Variants in RAI14 observed in about 807,000 individuals in gnomAD.
RAI14 encodes the protein retinoic acid induced 14.
Under a neutral mutation model 115.4 loss-of-function variants are expected in RAI14, and 45 were observed. The ratio of observed to expected loss-of-function variants is 0.39; its 90% CI spans 0.31 to 0.50. The LOEUF is 0.50. Among genes scored for constraint, RAI14 ranks in the 20% least tolerant of loss-of-function variants. The pLI is 0.85. For missense variants in RAI14, 939 were observed against 1,131.2 expected (o/e 0.83, Z 2.44); for synonymous variants, 371 against 415.4 (o/e 0.89, Z 1.30).
At chr5:34,774,293 C>G (rs562396319) in intron 3 of RAI14, among the ~76,000 whole-genome samples, 1 of 152,190 alleles carries the variant, frequency 6.6e-6, no homozygotes, top group Non-Finnish European at 1.5e-5. Flanking sequence ...ATCTCTTGAA[C>G]CCGAGAGGCA....
chr5:34,678,551 G>C lies in RAI14; in HGVS notation c.-48-8321G>C, dbSNP rs575424359. ...AGCAATTAGGATGCAGACACACACA[G>C]AAGACCATATGAAAACACAGGGCGA... On this transcript the variant is annotated intron_variant, in intron 1 of 17. Coordinates refer to ENST00000265109, the MANE Select transcript of RAI14 (RefSeq NM_015577.3). 5.9e-5 allele frequency among the ~76,000 whole-genome samples: 9 copies of C among 152,316 alleles called. No individual in the cohort carries two copies. The East Asian group carries it at 9.6e-4, about 16-fold the overall frequency.
At chr5:34,678,620 C>A (rs1253971348) in intron 1 of RAI14, among the ~76,000 whole-genome samples, 2 of 152,210 alleles carry the variant, frequency 1.3e-5, no homozygotes, top group Non-Finnish European at 2.9e-5. Context: ...CAGAAGGAAA[C>A]CAACCCTGTT....
rs773033437 is a variant in RAI14 at position 34,757,527 on chromosome 5, G to A, written c.96G>A (p.Ala32=). The change falls in exon 3 of 18, where the codon GCG becomes GCA. Residue 32 remains alanine, a synonymous_variant. Coordinates refer to ENST00000265109, the MANE Select transcript of RAI14 (RefSeq NM_015577.3). ...RLLQAVENGD[A]EKVASLLGKK... ...TGCAGGCCGTGGAGAATGGAGATGC[G>A]GAGAAGGTGGCCTCACTGCTCGGCA... 61 of 1,613,814 alleles carry A rather than the reference G, an allele frequency of 3.8e-5. No individual in the cohort carries two copies. The East Asian group carries it at 8.0e-4, about 21-fold the overall frequency.
At chr5:34,817,406 G>C (rs1756386671) in intron 12 of RAI14, among the ~76,000 whole-genome samples, 1 of 152,078 alleles carries the variant, frequency 6.6e-6, no homozygotes, top group East Asian at 1.9e-4. Flanking sequence ...ATCTAAAATG[G>C]TATAACTATT....
chr5:34,768,545 TG>T (rs2150125200), intron 3 of RAI14, among the ~76,000 whole-genome samples: 1 of 152,338 alleles, frequency 6.6e-6, no homozygotes, highest in East Asian at 1.9e-4. Context: ...ACAAATCGCC[TG>T]TTCTACATAC....
At chr5:34,710,840 C>A (rs915295094) in intron 2 of RAI14, among the ~76,000 whole-genome samples, 1 of 152,208 alleles carries the variant, frequency 6.6e-6, no homozygotes, top group Non-Finnish European at 1.5e-5. Flanking sequence ...GACATGTGTT[C>A]TTCCAGCAGA....
intron 3 of RAI14, among the ~76,000 whole-genome samples, chr5:34,781,857 TGG>T (rs2150163124): frequency 6.6e-6 from 1 of 152,134 alleles, no homozygotes; most frequent in African/African-American, 2.4e-5. Flanking sequence ...ATACAGAGTG[TGG>T]AGTGGGAAAT....
intron 2 of RAI14, among the ~76,000 whole-genome samples, chr5:34,734,002 G>T (rs1432954831): frequency 6.6e-6 from 1 of 152,164 alleles, no homozygotes; most frequent in Non-Finnish European, 1.5e-5. Context: ...CATCCCTGCC[G>T]CTCCCAGCTG....
intron 1 of RAI14, among the ~76,000 whole-genome samples, chr5:34,666,639 G>A (rs776495431): frequency 6.6e-6 from 1 of 152,142 alleles, no homozygotes; most frequent in Non-Finnish European, 1.5e-5. Flanking sequence ...CTTGGGTGAC[G>A]TCCTCAAGCC....
intron 5 of RAI14, among the ~76,000 whole-genome samples, chr5:34,807,232 CA>C: frequency 6.6e-6 from 1 of 152,150 alleles, no homozygotes; most frequent in African/African-American, 2.4e-5. Flanking sequence ...GGAGGAGCCG[CA>C]AGAGGAAAAG....
chr5:34,679,931 A>T (rs987617479), intron 1 of RAI14, among the ~76,000 whole-genome samples: 1 of 152,188 alleles, frequency 6.6e-6, no homozygotes, highest in Non-Finnish European at 1.5e-5. Context: ...CTGAGGTCAG[A>T]GATGAGGTCT....
At chr5:34,766,471 C>T (rs1749385391) in intron 3 of RAI14, among the ~76,000 whole-genome samples, 1 of 152,132 alleles carries the variant, frequency 6.6e-6, no homozygotes, top group Non-Finnish European at 1.5e-5. Flanking sequence ...AATTTGATTG[C>T]CCCGCTGGAT....
At chr5:34,683,469 GA>G (rs1056266920) in intron 1 of RAI14, among the ~76,000 whole-genome samples, 1 of 151,216 alleles carries the variant, frequency 6.6e-6, no homozygotes, top group African/African-American at 2.4e-5. Context: ...CAAATACACA[GA>G]AAAACTAACA....
At position 34,827,435 on chromosome 5, in the gene RAI14, T is replaced by G. The variant is rs748307587; in HGVS notation, c.2799+956T>G. On this transcript the variant is annotated intron_variant, in intron 16 of 17. Coordinates refer to ENST00000265109, the MANE Select transcript of RAI14 (RefSeq NM_015577.3). The surrounding 1 kb of genome is among the most constrained non-coding windows in gnomAD (Gnocchi z 4.2). Reference sequence around the variant, plus strand: ...CCACAATATCTGTTAAGGTTTGAGTTGGCATGGGTACATTCCGTTTTCTAC... The same window carrying G: ...CCACAATATCTGTTAAGGTTTGAGTGGGCATGGGTACATTCCGTTTTCTAC... 6.6e-6 allele frequency among the ~76,000 whole-genome samples: 1 copy of G among 152,232 alleles called. No homozygotes were observed. Among genetic ancestry groups the G allele is most frequent in the African/African-American group, 2.4e-5 (1 of 41,454 alleles).
chr5:34,727,428 C>T (rs1743600736), intron 2 of RAI14, among the ~76,000 whole-genome samples: 1 of 152,192 alleles, frequency 6.6e-6, no homozygotes, highest in Non-Finnish European at 1.5e-5. Context: ...TAGAAATTTG[C>T]ATAAGTAACA....
intron 14 of RAI14, among the ~76,000 whole-genome samples, chr5:34,822,737 G>T (rs2150297829): frequency 7.6e-6 from 1 of 132,082 alleles, no homozygotes; most frequent in South Asian, 2.6e-4. Flanking sequence ...AGGCTGGAGT[G>T]CAGTGGCGCG....
chr5:34,781,029 A>G (rs1398825893), intron 3 of RAI14, among the ~76,000 whole-genome samples: 2 of 152,114 alleles, frequency 1.3e-5, no homozygotes, highest in Non-Finnish European at 2.9e-5. Context: ...ACCATGGAAT[A>G]CTATGCAGTC....
chr5:34,721,116 C>T (rs1337612389), intron 2 of RAI14, among the ~76,000 whole-genome samples: 1 of 151,892 alleles, frequency 6.6e-6, no homozygotes. Context: ...TCCTTCTCCT[C>T]TCTTAAGTCT....
chr5:34,800,462 T>A (rs1754122752), intron 4 of RAI14, among the ~76,000 whole-genome samples: 1 of 152,190 alleles, frequency 6.6e-6, no homozygotes, highest in Non-Finnish European at 1.5e-5. Flanking sequence ...AGATGCATTG[T>A]CTCATCATAG....
Sources: allele counts gnomAD v4.1 joint callset (sites outside exome capture counted in the v4.1 genomes callset), GRCh38; gene constraint gnomAD v4.1.1; non-coding constraint Gnocchi (gnomAD v3.1); transcripts MANE v1.5; gene names NCBI Gene and HGNC (gene_info 2026-07-23, HGNC 2026-07-21).